Variants in CSRP3 observed in about 807,000 individuals in gnomAD.
CSRP3 encodes the protein cysteine and glycine-rich protein 3.
Under a neutral mutation model 24.3 loss-of-function variants are expected in CSRP3, and 24 were observed. That is an observed-to-expected ratio of 0.99 (90% CI 0.71 to 1.39). CSRP3 has a LOEUF of 1.39. CSRP3 is among the 40% of genes most tolerant of loss of function. The probability of loss-of-function intolerance (pLI) is 0.00; values close to 1 mark genes in which losing one functional copy is unlikely to be tolerated. For missense variants in CSRP3, 240 were observed against 249.0 expected (o/e 0.96, Z 0.24); for synonymous variants, 105 against 94.0 (o/e 1.12, Z -0.68).
At chr11:19,184,653 A>C (rs1467430437) in intron 5 of CSRP3, among the ~76,000 whole-genome samples, 2 of 152,176 alleles carry the variant, frequency 1.3e-5, no homozygotes, top group African/African-American at 4.8e-5. Context: ...GACCAGAGGC[A>C]GGGCACTGTT....
At chr11:19,200,325 T>A (rs76935758) in intron 1 of CSRP3, among the ~76,000 whole-genome samples, 2 of 152,210 alleles carry the variant, frequency 1.3e-5, no homozygotes, top group Non-Finnish European at 2.9e-5. Flanking sequence ...TATAACTGAT[T>A]ATCTTTATTT....
chr11:19,184,038 A>G (rs1850483402), intron 5 of CSRP3, among the ~76,000 whole-genome samples: 1 of 152,196 alleles, frequency 6.6e-6, no homozygotes, highest in Non-Finnish European at 1.5e-5. Context: ...GCCATGTGGA[A>G]CTGTGAGTCC....
At position 19,186,348 on chromosome 11, in the gene CSRP3, C is replaced by T; in HGVS notation, c.282G>A (p.Gln94=). The change falls in exon 4 of 6, where the codon CAG becomes CAA. Residue 94 remains glutamine, a splice_region_variant and synonymous_variant. Transcript: ENST00000265968. ...TGEHLGLQFQ[Q]SPKPARSVTT... is the part of the protein sequence containing the mutation. ...TAACTGAGCGTGCCGGCTTTGGGGACCTGTTGGAAATAGACGAATGAATGA... is the reference window on the plus strand; with the variant it reads ...TAACTGAGCGTGCCGGCTTTGGGGATCTGTTGGAAATAGACGAATGAATGA... 6.2e-7 allele frequency: 1 copy of T among 1,614,118 alleles called. No homozygotes were observed. Among genetic ancestry groups the T allele is most frequent in the Non-Finnish European group, 8.5e-7 (1 of 1,180,014 alleles).
intron 1 of CSRP3, chr11:19,196,784 A>G (rs1850719161): frequency 6.6e-6 from 1 of 152,326 alleles, no homozygotes; most frequent in South Asian, 2.1e-4. Context: ...TGAGATGACT[A>G]TGTTGTCAAA....
rs192735460 is a variant in CSRP3, at chr11:19,190,431, T to C, written c.112+1906A>G. Among the ~76,000 whole-genome samples the C allele has an allele frequency of 6.6e-5, 10 of 152,394 alleles. No individual in the cohort carries two copies. In the East Asian group the frequency reaches 1.7e-3, roughly 26 times the overall value. ...TGTAAAATATCCCACTGATCATTTG[T>C]ATATTGAAGTATACATTGAAATTAT... On this transcript the variant is annotated intron_variant, in intron 2 of 5. Coordinates refer to ENST00000265968, the MANE Select transcript of CSRP3 (RefSeq NM_003476.5).
At chr11:19,197,734 T>C (rs1850765676) in intron 1 of CSRP3, among the ~76,000 whole-genome samples, 1 of 151,580 alleles carries the variant, frequency 6.6e-6, no homozygotes, top group African/African-American at 2.4e-5. Context: ...CAGTGCTAGC[T>C]CAGTTGGTCA....
At chr11:19,183,399 A>G (rs1850470752) in intron 5 of CSRP3, among the ~76,000 whole-genome samples, 1 of 151,996 alleles carries the variant, frequency 6.6e-6, no homozygotes, top group Non-Finnish European at 1.5e-5. Flanking sequence ...GGAATGAACC[A>G]TGATGTCCCA....
intron 2 of CSRP3, 125 bp from the exon 3 acceptor site, chr11:19,188,429 T>C (rs543466623): frequency 1.1e-6 from 1 of 907,746 alleles, no homozygotes; most frequent in South Asian, 1.5e-5. Context: ...AATACAATGT[T>C]GATTCCTGAC....
Position 19,182,564 on chromosome 11 carries a change from T to C in CSRP3, c.*106A>G, listed in dbSNP as rs1850452895. 4.2e-6 allele frequency: 4 copies of C among 950,732 alleles called. No homozygotes were observed. Among genetic ancestry groups the C allele is most frequent in the East Asian group, 4.8e-5 (2 of 41,934 alleles). 58.9% of individuals were successfully genotyped at this position (950,732 alleles called of 1,614,324 possible). ...ATCACTTCTGAGGAGAAACACATAA[T>C]GTACGACTACAAAGGAGAGGCTATT... On this transcript the variant is annotated 3_prime_UTR_variant, in exon 6 of 6. Transcript: ENST00000265968.
chr11:19,188,449 T>C (rs1168528924), intron 2 of CSRP3, 145 bp from the exon 3 acceptor site: 2 of 775,586 alleles, frequency 2.6e-6, no homozygotes, highest in African/African-American at 1.7e-5. Flanking sequence ...CCAGAGTATC[T>C]GCCCTGAGTT....
intron 3 of CSRP3, 93 bp from the exon 4 acceptor site, chr11:19,186,441 G>A: frequency 2.0e-6 from 3 of 1,467,860 alleles, no homozygotes; most frequent in Non-Finnish European, 2.9e-6. Flanking sequence ...TCACTTCCGT[G>A]TGTCTCAGAC....
chr11:19,186,585 TA>T, intron 3 of CSRP3, among the ~76,000 whole-genome samples: 1 of 152,358 alleles, frequency 6.6e-6, no homozygotes, highest in South Asian at 2.1e-4. Context: ...AAATGTTTGC[TA>T]AAATGGGTTT....
intron 1 of CSRP3, among the ~76,000 whole-genome samples, chr11:19,198,244 A>ACC (rs1033702588): frequency 6.6e-6 from 1 of 151,950 alleles, no homozygotes; most frequent in African/African-American, 2.4e-5. Flanking sequence ...CTGCCATTTA[A>ACC]CCCCCCGTTA....
intron 1 of CSRP3, among the ~76,000 whole-genome samples, chr11:19,194,785 G>C (rs1850670601): frequency 6.6e-6 from 1 of 152,148 alleles, no homozygotes; most frequent in Admixed American, 6.5e-5. Context: ...TGGATTTTGA[G>C]TTGAAAGACT....
Position 19,192,480 on chromosome 11 carries a change from A to G in CSRP3, c.-28-4T>C. 7 of 1,561,546 alleles carry G rather than the reference A, an allele frequency of 4.5e-6. No homozygotes were observed. Among genetic ancestry groups the G allele is most frequent in the Non-Finnish European group, 6.2e-6 (7 of 1,132,122 alleles). On this transcript the variant is annotated splice_polypyrimidine_tract_variant and splice_region_variant and intron_variant, in intron 1 of 5. Coordinates refer to ENST00000265968, the MANE Select transcript of CSRP3 (RefSeq NM_003476.5). ...GACTATCTGGTCAAGGTCAAGTCTA[A>G]GGGGACATAAAGCAAATACCCTACA...
chr11:19,184,965 T>G lies in CSRP3; in HGVS notation c.495A>C (p.Glu165Asp). Residue 165 changes from glutamate to aspartate, a missense_variant, in exon 5 of 6, where the codon GAA becomes GAC. Glu to Asp is a conservative substitution (Grantham distance 45). Coordinates refer to ENST00000265968, the MANE Select transcript of CSRP3 (RefSeq NM_003476.5). ...ESTNVTDKDG[E>D]LYCKVCYAKN... ...AGAATCACTCACCTTTGCAATAAAG[T>G]TCCCCATCTTTGTCAGTGACATTTG... 6.2e-7 allele frequency: 1 copy of G among 1,612,720 alleles called. No individual in the cohort carries two copies.
chr11:19,188,904 G>T (rs529328082), intron 2 of CSRP3, among the ~76,000 whole-genome samples: 16 of 151,900 alleles, frequency 1.1e-4, no homozygotes, highest in Admixed American at 3.3e-4. Context: ...CCTGGTTACT[G>T]TATATTACCT....
intron 1 of CSRP3, among the ~76,000 whole-genome samples, chr11:19,193,850 T>C (rs1214195943): frequency 1.3e-5 from 2 of 152,220 alleles, no homozygotes; most frequent in African/African-American, 4.8e-5. Flanking sequence ...ATAGTAATAA[T>C]AATTGTCCTC....
At chr11:19,183,594 T>C (rs76885867) in intron 5 of CSRP3, among the ~76,000 whole-genome samples, 1 of 152,224 alleles carries the variant, frequency 6.6e-6, no homozygotes, top group Non-Finnish European at 1.5e-5. Flanking sequence ...ACTTTTTTTT[T>C]CACTTTGCAA....
Sources: allele counts gnomAD v4.1 joint callset (sites outside exome capture counted in the v4.1 genomes callset), GRCh38; gene constraint gnomAD v4.1.1; transcripts MANE v1.5; gene names NCBI Gene and HGNC (gene_info 2026-07-23, HGNC 2026-07-21).